PPP3CA: variants seen among roughly 807,000 people sequenced by gnomAD.
The protein encoded by PPP3CA is CAM-PRP catalytic subunit.
A neutral mutation model predicts 66.5 loss-of-function variants in PPP3CA; 14 were observed. The observed-to-expected ratio is 0.21, with a 90% CI of 0.14 to 0.33. The LOEUF (loss-of-function observed/expected upper bound fraction) is 0.33, where lower values mean the gene tolerates loss of function less well. Ranked by LOEUF, PPP3CA falls within the 10% of genes least tolerant of loss-of-function variation. PPP3CA has a pLI of 1.00. For synonymous variants in PPP3CA, 232 were observed against 226.2 expected (o/e 1.03, Z -0.23); for missense variants, 317 against 639.5 (o/e 0.50, Z 5.44).
chr4:101,082,130 T>C (rs1482639673), intron 7 of PPP3CA, among the ~76,000 whole-genome samples: 1 of 152,200 alleles, frequency 6.6e-6, no homozygotes, highest in African/African-American at 2.4e-5. Context: ...ACAGCCAAAA[T>C]AGCATAGTGA....
At chr4:101,223,359 T>C (rs998804431) in intron 1 of PPP3CA, among the ~76,000 whole-genome samples, 4 of 151,792 alleles carry the variant, frequency 2.6e-5, no homozygotes, top group African/African-American at 7.2e-5. Flanking sequence ...TTCAAACATA[T>C]TAAACTCCTT....
intron 8 of PPP3CA, among the ~76,000 whole-genome samples, chr4:101,067,115 C>T (rs943493387): frequency 6.6e-6 from 1 of 152,106 alleles, no homozygotes; most frequent in Non-Finnish European, 1.5e-5. Flanking sequence ...GAAATAAATG[C>T]TCTTCTGTTG....
rs1381797347 is a variant in PPP3CA at position 101,025,699 on chromosome 4, C to T, written c.*166G>A. 1 of 517,608 alleles carries T rather than the reference C, an allele frequency of 1.9e-6. No homozygotes were observed. Among genetic ancestry groups the T allele is most frequent in the Non-Finnish European group, 3.3e-6 (1 of 304,934 alleles). The allele number at this position is 517,608 out of a possible 1,614,324, so 32.1% of individuals were successfully genotyped here. A position where few individuals can be genotyped will look rare whatever the true frequency, so the allele number is the denominator to read the frequency against. On this transcript the variant is annotated 3_prime_UTR_variant, in exon 14 of 14. Transcript: ENST00000394854. ...AAAATATAGTTTATTATCTCTCTCC[C>T]TCTTTTTTAATGATAGTGTAAACTG... is the stretch of plus-strand genomic sequence containing the variant.
At chr4:101,083,118 TA>T in intron 7 of PPP3CA, 67 bp downstream of exon 7, 1 of 1,243,720 alleles carries the variant, frequency 8.0e-7, no homozygotes, top group Non-Finnish European at 1.1e-6. Context: ...CTGCAGAGCC[TA>T]AGCAAAGTGA....
At chr4:101,222,372 C>T (rs1318583324) in intron 1 of PPP3CA, among the ~76,000 whole-genome samples, 1 of 151,600 alleles carries the variant, frequency 6.6e-6, no homozygotes, top group Admixed American at 6.6e-5. Flanking sequence ...ACCCTCAACT[C>T]CACCTCAAAT....
At chr4:101,215,179 TCA>T (rs911224440) in intron 1 of PPP3CA, among the ~76,000 whole-genome samples, 17 of 151,936 alleles carry the variant, frequency 1.1e-4, no homozygotes, top group Non-Finnish European at 2.5e-4. Flanking sequence ...AAATAATAAT[TCA>T]CAGTGTTATA....
chr4:101,111,820 G>C (rs1721680200), intron 2 of PPP3CA, among the ~76,000 whole-genome samples: 1 of 152,104 alleles, frequency 6.6e-6, no homozygotes, highest in Non-Finnish European at 1.5e-5. Flanking sequence ...AGAGTTTCTG[G>C]AGTCTAATAA....
chr4:101,040,882 T>C (rs1038861676), intron 10 of PPP3CA, among the ~76,000 whole-genome samples: 1 of 152,128 alleles, frequency 6.6e-6, no homozygotes, highest in Non-Finnish European at 1.5e-5. Flanking sequence ...CAATTGACTT[T>C]CCCCTTCTTT....
rs912036427 is a variant in PPP3CA at position 101,188,468 on chromosome 4, T to C, written c.259+7448A>G. ...CATGGATAAGATTTTTTTTCTGTCATTGTATAATCAGTATAATCCTACTTT... is the reference window on the plus strand; with the variant it reads ...CATGGATAAGATTTTTTTTCTGTCACTGTATAATCAGTATAATCCTACTTT... On this transcript the variant is annotated intron_variant, in intron 2 of 13. Transcript: ENST00000394854. Among the ~76,000 whole-genome samples, 5 of 152,312 alleles carry C rather than the reference T, an allele frequency of 3.3e-5. No individual in the cohort carries two copies. In the South Asian group the frequency reaches 6.2e-4, roughly 19 times the overall value.
intron 1 of PPP3CA, among the ~76,000 whole-genome samples, chr4:101,244,827 T>C (rs949748432): frequency 1.3e-5 from 2 of 152,226 alleles, no homozygotes; most frequent in African/African-American, 4.8e-5. Context: ...CAGAGCTCTC[T>C]GTTCTTCGTT....
chr4:101,171,733 A>G (rs1231305626), intron 2 of PPP3CA, among the ~76,000 whole-genome samples: 1 of 152,178 alleles, frequency 6.6e-6, no homozygotes, highest in Non-Finnish European at 1.5e-5. Context: ...TAATTAATTT[A>G]CTTGGTAAAA....
intron 2 of PPP3CA, among the ~76,000 whole-genome samples, chr4:101,156,859 A>C (rs990630010): frequency 6.6e-6 from 1 of 152,212 alleles, no homozygotes; most frequent in Admixed American, 6.5e-5. Flanking sequence ...GAGTCACTAC[A>C]TGTTTTTAAA....
chr4:101,153,092 G>C (rs1723195365), intron 2 of PPP3CA, among the ~76,000 whole-genome samples: 1 of 152,158 alleles, frequency 6.6e-6, no homozygotes, highest in Non-Finnish European at 1.5e-5. Flanking sequence ...AAAGCAGAAA[G>C]CAGAAAGCAG....
At chr4:101,320,113 T>C (rs1728994393) in intron 1 of PPP3CA, among the ~76,000 whole-genome samples, 1 of 152,076 alleles carries the variant, frequency 6.6e-6, no homozygotes, top group Non-Finnish European at 1.5e-5. Context: ...AATATTATTC[T>C]ATCTTATAGA....
intron 1 of PPP3CA, among the ~76,000 whole-genome samples, chr4:101,331,238 T>C (rs952728865): frequency 5.9e-5 from 9 of 152,160 alleles, no homozygotes; most frequent in African/African-American, 2.2e-4. Flanking sequence ...GATCTACCAC[T>C]TACTCACTAG....
chr4:101,050,773 G>T (rs1472250582), intron 10 of PPP3CA, among the ~76,000 whole-genome samples: 1 of 152,168 alleles, frequency 6.6e-6, no homozygotes, highest in Non-Finnish European at 1.5e-5. Context: ...GCCAGTCAGG[G>T]TGCTACCTGC....
chr4:101,085,253 A>G (rs1321346058), intron 6 of PPP3CA, among the ~76,000 whole-genome samples: 1 of 152,184 alleles, frequency 6.6e-6, no homozygotes, highest in African/African-American at 2.4e-5. Flanking sequence ...GTATAGAAGT[A>G]TACTGTCTTG....
intron 1 of PPP3CA, among the ~76,000 whole-genome samples, chr4:101,306,136 T>G (rs1728528753): frequency 6.6e-6 from 1 of 152,192 alleles, no homozygotes; most frequent in Non-Finnish European, 1.5e-5. Context: ...CTCTTTGTCA[T>G]GTCCATGGAA....
chr4:101,055,318 T>A (rs1387099671), intron 10 of PPP3CA, among the ~76,000 whole-genome samples: 1 of 152,124 alleles, frequency 6.6e-6, no homozygotes, highest in African/African-American at 2.4e-5. Flanking sequence ...TAATGAGCAT[T>A]ATCTGCCAAA....
Sources: gnomAD v4.1 joint callset for allele counts (sites outside exome capture counted in the v4.1 genomes callset) on GRCh38, gnomAD v4.1.1 for gene constraint, MANE v1.5 for transcripts, NCBI Gene and HGNC (gene_info 2026-07-23, HGNC 2026-07-21) for gene names.